Variants in AHCTF1 observed in about 807,000 individuals in gnomAD.
The protein encoded by AHCTF1 is AT-hook containing transcription factor 1.
Under a neutral mutation model 248.4 loss-of-function variants are expected in AHCTF1, and 24 were observed. That is an observed-to-expected ratio of 0.10 (90% CI 0.07 to 0.14). The LOEUF is 0.14. AHCTF1 is among the 10% of genes least tolerant of loss of function. AHCTF1 has a pLI of 1.00. For missense variants in AHCTF1, 2,206 were observed against 2,636.2 expected (o/e 0.84, Z 3.57); for synonymous variants, 786 against 929.8 (o/e 0.85, Z 2.81).
At chr1:246,894,032 T>C (rs906160123) in intron 14 of AHCTF1, among the ~76,000 whole-genome samples, 2 of 151,974 alleles carry the variant, frequency 1.3e-5, no homozygotes, top group Non-Finnish European at 2.9e-5. Context: ...AGTGAGACCA[T>C]GTCTCTACAA....
At chr1:246,892,022 T>G in intron 14 of AHCTF1, 103 bp from the exon 15 acceptor site, 1 of 1,235,962 alleles carries the variant, frequency 8.1e-7, no homozygotes, top group Non-Finnish European at 1.1e-6. Context: ...AAAGAATTAT[T>G]CTATTCATTA....
intron 21 of AHCTF1, 134 bp downstream of exon 21, chr1:246,885,359 T>C (rs1322846849): frequency 7.4e-6 from 5 of 676,692 alleles, no homozygotes; most frequent in Non-Finnish European, 1.2e-5. Flanking sequence ...CTGAATTTGA[T>C]GCAGAACCCA....
intron 4 of AHCTF1, among the ~76,000 whole-genome samples, chr1:246,912,900 T>C (rs1040223024): frequency 3.5e-4 from 53 of 152,304 alleles, no homozygotes; most frequent in African/African-American, 9.4e-4. Context: ...AGATTTCTTA[T>C]ATTTAGCCCT....
intron 3 of AHCTF1, among the ~76,000 whole-genome samples, chr1:246,915,279 G>A (rs1666064735): frequency 6.6e-6 from 1 of 152,110 alleles, no homozygotes; most frequent in Non-Finnish European, 1.5e-5. Flanking sequence ...GCAGTGAGCT[G>A]AGATCGTGCC....
At chr1:246,844,164 G>A (rs891648174) in intron 33 of AHCTF1, among the ~76,000 whole-genome samples, 3 of 152,100 alleles carry the variant, frequency 2.0e-5, no homozygotes, top group African/African-American at 7.2e-5. Context: ...ACTAAAAAGT[G>A]CTACAATATA....
chr1:246,917,349 T>C (rs188081396), intron 2 of AHCTF1, among the ~76,000 whole-genome samples: 22 of 152,264 alleles, frequency 1.4e-4, no homozygotes, highest in Admixed American at 1.2e-3. Context: ...ACTTCTAAAT[T>C]TGAGATGTCC....
intron 33 of AHCTF1, 80 bp downstream of exon 33, chr1:246,849,535 C>G: frequency 6.6e-7 from 1 of 1,506,492 alleles, no homozygotes. Flanking sequence ...CCCTATAAAA[C>G]CATTTTTAGG....
intron 31 of AHCTF1, 48 bp downstream of exon 31, chr1:246,855,682 C>CAAAACACAAAAATGGAATAA (rs1401431679): frequency 6.8e-7 from 1 of 1,472,772 alleles, no homozygotes; most frequent in African/African-American, 1.4e-5. Flanking sequence ...ACTCTTCACT[C>CAAAACACAAAAATGGAATAA]AAAACACAAA....
chr1:246,929,325 C>T (rs1667162744), intron 1 of AHCTF1, among the ~76,000 whole-genome samples: 1 of 152,168 alleles, frequency 6.6e-6, no homozygotes, highest in Non-Finnish European at 1.5e-5. Flanking sequence ...ACAAGAATCG[C>T]TTGAGCCCTG....
Position 246,840,980 on chromosome 1 carries a change from A to C in AHCTF1, c.6627T>G (p.Ser2209Arg), listed in dbSNP as rs772119279. The change falls in exon 36 of 36, where the codon AGT becomes AGG. Residue 2209 changes from serine to arginine, a missense_variant. Ser to Arg is a moderately radical substitution (Grantham distance 110). This residue lies in a region of AHCTF1 where 469 missense variants were observed against 470.0 expected (regional missense o/e 1.00). Coordinates refer to ENST00000648844, the MANE Select transcript of AHCTF1 (RefSeq NM_001323342.2). ...TTTCTATGGGAGGAGGTGACCAAGC[A>C]CTTTCTTTTTCTGTGTTTCTGAAAA... ...KQASKNTEKE[S>R]AWSPPPIEIR... The C allele has an allele frequency of 1.9e-6, 3 of 1,605,098 alleles. No individual in the cohort carries two copies. Among genetic ancestry groups the C allele is most frequent in the Non-Finnish European group, 2.5e-6 (3 of 1,177,798 alleles).
chr1:246,869,089 C>T (rs1662333038), intron 24 of AHCTF1, among the ~76,000 whole-genome samples: 1 of 151,136 alleles, frequency 6.6e-6, no homozygotes, highest in Non-Finnish European at 1.5e-5. Flanking sequence ...CGTGATCCGC[C>T]CGCCTTGGCC....
chr1:246,931,014 C>CAA, intron 1 of AHCTF1: 1 of 1,373,462 alleles, frequency 7.3e-7, no homozygotes, highest in Admixed American at 2.8e-5. Flanking sequence ...AAAAGGAAGG[C>CAA]AAAGCACCCC....
intron 12 of AHCTF1, among the ~76,000 whole-genome samples, chr1:246,896,192 C>A (rs908352963): frequency 6.6e-6 from 1 of 152,162 alleles, no homozygotes; most frequent in African/African-American, 2.4e-5. Flanking sequence ...AGACTTACCA[C>A]ACGACCCTCC....
At chr1:246,907,809 A>G (rs772459402) in intron 4 of AHCTF1, 51 bp from the exon 5 acceptor site, 1 of 1,474,576 alleles carries the variant, frequency 6.8e-7, no homozygotes, top group Non-Finnish European at 9.4e-7. Context: ...AACAGCATTA[A>G]AAGCAAATAT....
intron 20 of AHCTF1, among the ~76,000 whole-genome samples, chr1:246,886,596 T>C (rs906542601): frequency 6.6e-6 from 1 of 152,080 alleles, no homozygotes. Context: ...CCCAATTTTT[T>C]CCCCTGAATA....
chr1:246,882,921 T>C (rs553415484), intron 21 of AHCTF1, among the ~76,000 whole-genome samples: 22 of 152,376 alleles, frequency 1.4e-4, no homozygotes, highest in Admixed American at 3.3e-4. Flanking sequence ...AGAGGATAAC[T>C]GAACTGCCTT....
rs1420289339 is a variant in AHCTF1, at chr1:246,860,776, G to A, written c.4132+123C>T. On this transcript the variant is annotated intron_variant, in intron 29 of 35. Coordinates refer to ENST00000648844, the MANE Select transcript of AHCTF1 (RefSeq NM_001323342.2). ...CAGCCTCAGCCTCCCAAAGTGCTGA[G>A]ATTAACTAGCATGAGCCACAGTACC... 6 of 1,327,880 alleles carry A rather than the reference G, an allele frequency of 4.5e-6. No individual in the cohort carries two copies. In the South Asian group the frequency reaches 9.0e-5, roughly 20 times the overall value. The allele number at this position is 1,327,880 out of a possible 1,614,324, so 82.3% of individuals were successfully genotyped here.
chr1:246,855,254 C>T (rs1446107495), intron 31 of AHCTF1, among the ~76,000 whole-genome samples: 1 of 152,178 alleles, frequency 6.6e-6, no homozygotes, highest in Non-Finnish European at 1.5e-5. Flanking sequence ...TAAGAAAATC[C>T]TATCTTCCTC....
chr1:246,851,019 G>A lies in AHCTF1; in HGVS notation c.4987C>T (p.Pro1663Ser). The change falls in exon 33 of 36, where the codon CCT becomes TCT. Residue 1663 changes from proline (P) to serine (S), a missense_variant. Coordinates refer to ENST00000648844, the MANE Select transcript of AHCTF1 (RefSeq NM_001323342.2). ...TTTTCTGCAATTGCTACTTTAATAG[G>A]TTCAGGCACATATGGTAAAGTGTCT... ...KVDTLPYVPE[P>S]IKVAIAENLL... is the part of the protein sequence containing the mutation. 1.1e-5 allele frequency: 18 copies of A among 1,613,856 alleles called. No homozygotes were observed. The highest frequency in any genetic ancestry group is 1.5e-5 in the Non-Finnish European group (18 of 1,179,862).
Sources: allele counts gnomAD v4.1 joint callset (sites outside exome capture counted in the v4.1 genomes callset), GRCh38; gene constraint gnomAD v4.1.1; regional missense constraint gnomAD v4.1.1; transcripts MANE v1.5; gene names NCBI Gene and HGNC (gene_info 2026-07-23, HGNC 2026-07-21).